CTDSPL2: variants seen among roughly 807,000 people sequenced by gnomAD.
CTDSPL2 encodes the protein CTD small phosphatase like 2, also known as CTD small phosphatase-like protein 2.
A neutral mutation model predicts 60.0 loss-of-function variants in CTDSPL2; 5 were observed. That is an observed-to-expected ratio of 0.08 (90% CI 0.04 to 0.18). The LOEUF is 0.18. CTDSPL2 is among the 10% of genes least tolerant of loss of function. The probability of loss-of-function intolerance (pLI) is 1.00; values close to 1 mark genes in which losing one functional copy is unlikely to be tolerated. For missense variants in CTDSPL2, 370 were observed against 548.8 expected (o/e 0.67, Z 3.26); for synonymous variants, 186 against 189.3 (o/e 0.98, Z 0.14).
At chr15:44,499,632 TG>T (rs759680566) in intron 7 of CTDSPL2, 94 bp from the exon 8 acceptor site, 26 of 696,090 alleles carry the variant, frequency 3.7e-5, no homozygotes, top group Non-Finnish European at 6.2e-5. Context: ...AACATATGAA[TG>T]GGTGCTTTAG....
intron 2 of CTDSPL2, among the ~76,000 whole-genome samples, chr15:44,473,595 GTA>G (rs1411244732): frequency 2.6e-5 from 4 of 151,328 alleles, no homozygotes; most frequent in African/African-American, 9.7e-5. Context: ...GCGCCCAGCC[GTA>G]TCCCTAGATT....
chr15:44,461,476 ACTC>A (rs2080568368), intron 2 of CTDSPL2, among the ~76,000 whole-genome samples: 1 of 150,642 alleles, frequency 6.6e-6, no homozygotes, highest in Admixed American at 6.6e-5. Context: ...GCAGCCTTGA[ACTC>A]CTGAGCTGAG....
At chr15:44,507,973 A>C (rs1304017313) in intron 8 of CTDSPL2, among the ~76,000 whole-genome samples, 1 of 152,230 alleles carries the variant, frequency 6.6e-6, no homozygotes, top group Non-Finnish European at 1.5e-5. Flanking sequence ...AGATAGGGAA[A>C]CTGAGGTATA....
At chr15:44,512,531 T>C (rs1423118880) in intron 8 of CTDSPL2, among the ~76,000 whole-genome samples, 1 of 152,204 alleles carries the variant, frequency 6.6e-6, no homozygotes, top group East Asian at 1.9e-4. Flanking sequence ...AAAGACTCAG[T>C]TGATTAAAAT....
chr15:44,453,498 A>G (rs2080371806), intron 1 of CTDSPL2, among the ~76,000 whole-genome samples: 1 of 152,024 alleles, frequency 6.6e-6, no homozygotes, highest in South Asian at 2.1e-4. Context: ...ATATGTATAC[A>G]TGTGCCATGT....
At chr15:44,511,496 C>CA (rs150140454) in intron 8 of CTDSPL2, among the ~76,000 whole-genome samples, 1 of 152,252 alleles carries the variant, frequency 6.6e-6, no homozygotes, top group Non-Finnish European at 1.5e-5. Flanking sequence ...CAATAAATCT[C>CA]AAAGAGGCCC....
chr15:44,466,564 T>C (rs1170207447), intron 2 of CTDSPL2, among the ~76,000 whole-genome samples: 24 of 152,220 alleles, frequency 1.6e-4, no homozygotes, highest in Admixed American at 1.2e-3. Context: ...ATAGTACTTA[T>C]GTGAATCTAG....
At chr15:44,514,508 A>G in intron 8 of CTDSPL2, 90 bp from the exon 9 acceptor site, 1 of 788,676 alleles carries the variant, frequency 1.3e-6, no homozygotes, top group Non-Finnish European at 2.2e-6. Flanking sequence ...CTTTTTCATT[A>G]TAATCAAAGT....
At chr15:44,500,196 T>C (rs999281083) in intron 8 of CTDSPL2, among the ~76,000 whole-genome samples, 1 of 152,220 alleles carries the variant, frequency 6.6e-6, no homozygotes, top group Non-Finnish European at 1.5e-5. Flanking sequence ...TCCTTGTTGA[T>C]CATTTTATTT....
rs1396100178 is a variant in CTDSPL2, at chr15:44,525,425, C to T, written c.*1251C>T. ...TTATAGTGGCGTGTAATCTCCTTTT[C>T]GGGAGGCTTTTTATGGAAGGTAGAA... On this transcript the variant is annotated 3_prime_UTR_variant, in exon 13 of 13. Coordinates refer to ENST00000260327, the MANE Select transcript of CTDSPL2 (RefSeq NM_016396.3). The T allele has an allele frequency of 1.3e-5, 5 of 398,796 alleles. No individual in the cohort carries two copies. The highest frequency in any genetic ancestry group is 1.3e-5 in the Non-Finnish European group (3 of 225,930). 24.7% of individuals were successfully genotyped at this position (398,796 alleles called of 1,614,324 possible). A position where few individuals can be genotyped will look rare whatever the true frequency, so the allele number is the denominator to read the frequency against.
chr15:44,472,031 A>G (rs1375623163), intron 2 of CTDSPL2, among the ~76,000 whole-genome samples: 2 of 151,860 alleles, frequency 1.3e-5, no homozygotes, highest in Admixed American at 6.6e-5. Context: ...TTATATCACT[A>G]TTTCCTTTTT....
intron 2 of CTDSPL2, among the ~76,000 whole-genome samples, chr15:44,469,623 C>T (rs1002279808): frequency 6.6e-6 from 1 of 151,932 alleles, no homozygotes; most frequent in Non-Finnish European, 1.5e-5. Context: ...TTTTTTGGTA[C>T]TTACTAGCAC....
intron 4 of CTDSPL2, 36 bp from the exon 5 acceptor site, chr15:44,490,748 T>G (rs984780669): frequency 5.2e-6 from 8 of 1,542,124 alleles, no homozygotes; most frequent in Non-Finnish European, 6.3e-6. Flanking sequence ...TAGGTGCATT[T>G]TTAAATGATG....
intron 8 of CTDSPL2, among the ~76,000 whole-genome samples, chr15:44,502,723 A>T (rs995350511): frequency 1.3e-5 from 2 of 152,238 alleles, no homozygotes; most frequent in African/African-American, 4.8e-5. Context: ...AATTGTAAGT[A>T]GAAGTAAGTA....
chr15:44,490,225 CCTT>C (rs1225836014), intron 4 of CTDSPL2, among the ~76,000 whole-genome samples: 1 of 152,164 alleles, frequency 6.6e-6, no homozygotes, highest in African/African-American at 2.4e-5. Flanking sequence ...GCCTTGACCT[CCTT>C]CTGGGCCCAA....
intron 1 of CTDSPL2, among the ~76,000 whole-genome samples, chr15:44,456,726 TTG>T (rs2080450623): frequency 6.6e-6 from 1 of 152,100 alleles, no homozygotes; most frequent in South Asian, 2.1e-4. Flanking sequence ...AAGGGTTTTT[TTG>T]TGTCTCTATC....
chr15:44,484,122 G>A, intron 2 of CTDSPL2, 102 bp from the exon 3 acceptor site: 3 of 1,046,352 alleles, frequency 2.9e-6, no homozygotes, highest in Non-Finnish European at 4.1e-6. Flanking sequence ...GATATGAAAA[G>A]CAGAGGAAAG....
intron 2 of CTDSPL2, among the ~76,000 whole-genome samples, chr15:44,478,887 C>T (rs1392365637): frequency 6.6e-6 from 1 of 152,090 alleles, no homozygotes; most frequent in Non-Finnish European, 1.5e-5. Context: ...GAGGCTGAGG[C>T]AGAATTGCTT....
At chr15:44,491,733 G>A (rs1232897020) in intron 5 of CTDSPL2, among the ~76,000 whole-genome samples, 1 of 152,190 alleles carries the variant, frequency 6.6e-6, no homozygotes, top group East Asian at 1.9e-4. Flanking sequence ...AGAGAGCGCA[G>A]TAAATATATA....
Sources: gnomAD v4.1 joint callset for allele counts (sites outside exome capture counted in the v4.1 genomes callset) on GRCh38, gnomAD v4.1.1 for gene constraint, MANE v1.5 for transcripts, NCBI Gene and HGNC (gene_info 2026-07-23, HGNC 2026-07-21) for gene names.